Variants in PLD1 observed in about 807,000 individuals in gnomAD.
The protein encoded by PLD1 is phospholipase D1, also known as choline phosphatase 1.
Under a neutral mutation model 137.1 loss-of-function variants are expected in PLD1, and 112 were observed. The observed-to-expected ratio is 0.82, with a 90% CI of 0.70 to 0.96. The LOEUF is 0.96. PLD1 is among the 40% of genes least tolerant of loss of function. The pLI is 0.00. For missense variants in PLD1, 1,321 were observed against 1,342.0 expected (o/e 0.98, Z 0.24); for synonymous variants, 431 against 454.7 (o/e 0.95, Z 0.66).
At chr3:171,633,947 C>A (rs1734895361) in intron 23 of PLD1, among the ~76,000 whole-genome samples, 1 of 152,148 alleles carries the variant, frequency 6.6e-6, no homozygotes, top group African/African-American at 2.4e-5. Context: ...TTAACATATT[C>A]ATAGCAGCAG....
intron 13 of PLD1, among the ~76,000 whole-genome samples, chr3:171,689,464 T>C (rs1048794883): frequency 1.3e-5 from 2 of 151,984 alleles, no homozygotes; most frequent in African/African-American, 4.8e-5. Flanking sequence ...CTTTGGCAAC[T>C]ACTTTCCTCT....
chr3:171,705,416 G>A (rs1409817893), intron 11 of PLD1, among the ~76,000 whole-genome samples: 1 of 152,134 alleles, frequency 6.6e-6, no homozygotes, highest in African/African-American at 2.4e-5. Flanking sequence ...ATTACTTAGA[G>A]GGGAACAATG....
At chr3:171,795,346 T>G (rs1723391537) in intron 1 of PLD1, among the ~76,000 whole-genome samples, 2 of 143,932 alleles carry the variant, frequency 1.4e-5, no homozygotes, top group Non-Finnish European at 3.0e-5. Context: ...AGCTTCTCCC[T>G]TTTTTTCTCT....
Position 171,724,761 on chromosome 3 carries a change from T to C in PLD1, c.693A>G (p.Gly231=), listed in dbSNP as rs779120828. The C allele has an allele frequency of 2.1e-5, 33 of 1,609,282 alleles. No homozygotes were observed. Among genetic ancestry groups the C allele is most frequent in the Admixed American group, 8.3e-5 (5 of 59,998 alleles). ...AATTCAAGCCTGGTATTCTGTGTCC[T>C]CCAGATCTTTTCATTATCATACCTT... is the stretch of plus-strand genomic sequence containing the variant. ...GIEGMIMKRS[G]GHRIPGLNCC... Residue 231 remains glycine (G), a synonymous_variant, in exon 8 of 27, where the codon GGA becomes GGG. Transcript: ENST00000351298.
chr3:171,601,760 G>T lies in PLD1; in HGVS notation c.*1318C>A, dbSNP rs1328832269. 1 of 152,102 alleles carries T rather than the reference G, an allele frequency of 6.6e-6. No individual in the cohort carries two copies. Among genetic ancestry groups the T allele is most frequent in the Non-Finnish European group, 1.5e-5 (1 of 68,020 alleles). 9.4% of individuals were successfully genotyped at this position (152,102 alleles called of 1,614,324 possible). A position where few individuals can be genotyped will look rare whatever the true frequency, so the allele number is the denominator to read the frequency against. On this transcript the variant is annotated 3_prime_UTR_variant, in exon 27 of 27. Coordinates refer to ENST00000351298, the MANE Select transcript of PLD1 (RefSeq NM_002662.5). ...TGTATAATCATTACACCTGCATTTTGTTTTACAGGTACAGGCCTTTTGGTA... is the reference window on the plus strand; with the variant it reads ...TGTATAATCATTACACCTGCATTTTTTTTTACAGGTACAGGCCTTTTGGTA...
intron 1 of PLD1, among the ~76,000 whole-genome samples, chr3:171,745,111 T>G (rs1720051420): frequency 6.6e-6 from 1 of 152,264 alleles, no homozygotes; most frequent in Non-Finnish European, 1.5e-5. Context: ...GAGTTAAATA[T>G]TTCCCTCTTT....
intron 6 of PLD1, among the ~76,000 whole-genome samples, chr3:171,731,697 G>A (rs1017468847): frequency 1.4e-4 from 21 of 152,002 alleles, no homozygotes; most frequent in African/African-American, 3.9e-4. Context: ...ACTTGAACCC[G>A]GGAGGCGGCG....
rs1184025338 is a variant in PLD1, at chr3:171,662,076, T to C, written c.2324A>G (p.His775Arg). The C allele has an allele frequency of 1.3e-6, 2 of 1,594,750 alleles. No individual in the cohort carries two copies. The highest frequency in any genetic ancestry group is 1.1e-5 in the South Asian group (1 of 90,622). The change falls in exon 20 of 27, where the codon CAC becomes CGC. Residue 775 changes from histidine to arginine, a missense_variant. Coordinates refer to ENST00000351298, the MANE Select transcript of PLD1 (RefSeq NM_002662.5). Reference protein sequence around the residue: ...AYVHVIENSRHYIYIENQFFI... With the variant: ...AYVHVIENSRRYIYIENQFFI... ...AAGACTTACTTCGATATAGATATAGTGCCTGCTGTTCTCTATCACATGGAC... is the reference window on the plus strand; with the variant it reads ...AAGACTTACTTCGATATAGATATAGCGCCTGCTGTTCTCTATCACATGGAC...
intron 23 of PLD1, among the ~76,000 whole-genome samples, chr3:171,641,024 A>T (rs574260481): frequency 1.3e-5 from 2 of 152,260 alleles, no homozygotes; most frequent in East Asian, 3.9e-4. Flanking sequence ...TTAGAATGGG[A>T]GTTTAAAGGG....
At chr3:171,702,926 A>G (rs762484145) in intron 11 of PLD1, among the ~76,000 whole-genome samples, 10 of 152,166 alleles carry the variant, frequency 6.6e-5, no homozygotes, top group Non-Finnish European at 1.2e-4. Context: ...AATGCAAGAA[A>G]ACTAAAGAAC....
intron 23 of PLD1, among the ~76,000 whole-genome samples, chr3:171,625,049 T>A (rs148497898): frequency 6.6e-6 from 1 of 151,420 alleles, no homozygotes; most frequent in East Asian, 1.9e-4. Flanking sequence ...AAAAAAATAA[T>A]CAAGAGAGAT....
intron 12 of PLD1, among the ~76,000 whole-genome samples, chr3:171,698,976 CA>C (rs559343815): frequency 0.051 from 3,942 of 77,210 alleles, 124 homozygotes; most frequent in African/African-American, 0.15. Context: ...AACCCCATCT[CA>C]AAAAAAAAAA....
chr3:171,621,411 A>G (rs1733619994), intron 23 of PLD1, among the ~76,000 whole-genome samples: 1 of 152,202 alleles, frequency 6.6e-6, no homozygotes, highest in East Asian at 1.9e-4. Flanking sequence ...TCATAGAAAG[A>G]GAGCATACAT....
At chr3:171,618,363 G>A (rs925240822) in intron 24 of PLD1, among the ~76,000 whole-genome samples, 2 of 152,196 alleles carry the variant, frequency 1.3e-5, no homozygotes, top group African/African-American at 4.8e-5. Context: ...TATACTTCAT[G>A]TAAAGTAAAC....
chr3:171,777,425 A>G (rs904353594), intron 1 of PLD1, among the ~76,000 whole-genome samples: 12 of 152,216 alleles, frequency 7.9e-5, no homozygotes, highest in African/African-American at 2.9e-4. Context: ...TGGCAGGAAC[A>G]AGCCCTTGAT....
intron 3 of PLD1, among the ~76,000 whole-genome samples, chr3:171,735,858 C>A (rs1197845083): frequency 2.0e-5 from 3 of 152,178 alleles, no homozygotes; most frequent in Non-Finnish European, 4.4e-5. Context: ...CTTTCAATCA[C>A]ACGAGACGAT....
intron 19 of PLD1, among the ~76,000 whole-genome samples, chr3:171,663,057 T>G (rs1235321613): frequency 5.3e-5 from 8 of 152,244 alleles, no homozygotes; most frequent in African/African-American, 1.9e-4. Flanking sequence ...GTGGAGCTCC[T>G]GACTTTTTTC....
chr3:171,605,615 G>A (rs1000077274), intron 25 of PLD1, among the ~76,000 whole-genome samples, 199 bp from the exon 26 acceptor site: 7 of 152,062 alleles, frequency 4.6e-5, no homozygotes, highest in South Asian at 4.2e-4. Context: ...CATAAACAGC[G>A]GACTAGACAT....
At chr3:171,673,628 T>A (rs560072637) in intron 19 of PLD1, among the ~76,000 whole-genome samples, 10 of 152,326 alleles carry the variant, frequency 6.6e-5, no homozygotes, top group African/African-American at 2.4e-4. Context: ...ATTTCTTATA[T>A]ACACATACCT....
Sources: allele counts gnomAD v4.1 joint callset (sites outside exome capture counted in the v4.1 genomes callset), GRCh38; gene constraint gnomAD v4.1.1; transcripts MANE v1.5; gene names NCBI Gene and HGNC (gene_info 2026-07-23, HGNC 2026-07-21).